The following PADI2 variants were observed in gnomAD, a reference collection of about 807,000 sequenced individuals.
The protein encoded by PADI2 is protein-arginine deiminase type-2.
A neutral mutation model predicts 81.1 loss-of-function variants in PADI2; 70 were observed. That is an observed-to-expected ratio of 0.86 (90% CI 0.71 to 1.05). PADI2 has a LOEUF of 1.05. Ranked by LOEUF, PADI2 falls within the 50% of genes least tolerant of loss-of-function variation. The probability of loss-of-function intolerance (pLI) is 0.00; values close to 1 mark genes in which losing one functional copy is unlikely to be tolerated. For missense variants in PADI2, 853 were observed against 889.9 expected (o/e 0.96, Z 0.53); for synonymous variants, 338 against 358.0 (o/e 0.94, Z 0.63).
At chr1:17,074,153 A>G (rs2078284506) in intron 13 of PADI2, among the ~76,000 whole-genome samples, 1 of 152,076 alleles carries the variant, frequency 6.6e-6, no homozygotes, top group South Asian at 2.1e-4. Context: ...GCACTTTGGG[A>G]GGCTGAGGCG....
At chr1:17,104,426 C>CTTTTTTTTTTTTT (rs1233283967) in intron 2 of PADI2, among the ~76,000 whole-genome samples, 8 of 98,290 alleles carry the variant, frequency 8.1e-5, no homozygotes, top group African/African-American at 3.0e-4. Flanking sequence ...TTCTTTTTGC[C>CTTTTTTTTTTTTT]TTTTCTTTTT....
intron 6 of PADI2, among the ~76,000 whole-genome samples, chr1:17,087,277 G>C (rs1930506569): frequency 6.6e-6 from 1 of 152,174 alleles, no homozygotes; most frequent in Admixed American, 6.5e-5. Flanking sequence ...GGAAAGATAG[G>C]TTCCTCCAGG....
chr1:17,093,525 A>T (rs777534151), intron 5 of PADI2, 42 bp downstream of exon 5: 26 of 1,294,864 alleles, frequency 2.0e-5, no homozygotes, highest in Non-Finnish European at 2.5e-5. Context: ...GAATCTTTTC[A>T]CTCCTCTCAT....
chr1:17,068,699 T>C lies in PADI2; in HGVS notation c.*345A>G. ...CTGGCAATCCCAGAATCTCCTTCCC[T>C]TCTCCCCTCATTCAGTGTCAGATTA... On this transcript the variant is annotated 3_prime_UTR_variant, in exon 16 of 16. Coordinates refer to ENST00000375486, the MANE Select transcript of PADI2 (RefSeq NM_007365.3). The C allele has an allele frequency of 3.8e-6, 1 of 264,556 alleles. No individual in the cohort carries two copies. The highest frequency in any genetic ancestry group is 7.3e-6 in the Non-Finnish European group (1 of 136,144). 16.4% of individuals were successfully genotyped at this position (264,556 alleles called of 1,614,324 possible). A position where few individuals can be genotyped will look rare whatever the true frequency, so the allele number is the denominator to read the frequency against.
intron 3 of PADI2, among the ~76,000 whole-genome samples, chr1:17,099,754 A>G (rs982144731): frequency 1.6e-4 from 24 of 152,190 alleles, no homozygotes; most frequent in Admixed American, 1.5e-3. Flanking sequence ...CTAAGCACCC[A>G]CTCTGTGCCG....
chr1:17,085,689 A>G (rs1489665543), intron 7 of PADI2, among the ~76,000 whole-genome samples: 1 of 152,196 alleles, frequency 6.6e-6, no homozygotes, highest in Non-Finnish European at 1.5e-5. Context: ...GTGGTGGTTA[A>G]ACCAGGAGTT....
chr1:17,097,358 G>T (rs565642803), intron 3 of PADI2, among the ~76,000 whole-genome samples: 8 of 152,310 alleles, frequency 5.3e-5, no homozygotes, highest in African/African-American at 1.9e-4. Context: ...CCTATAGCCT[G>T]CATACCCTAG....
chr1:17,071,929 C>T (rs1020334562), intron 13 of PADI2, among the ~76,000 whole-genome samples: 3 of 152,212 alleles, frequency 2.0e-5, no homozygotes, highest in Non-Finnish European at 4.4e-5. Context: ...GAGTGGCCTG[C>T]GTTTTCCTCC....
chr1:17,090,002 T>C (rs1004759852), intron 6 of PADI2, among the ~76,000 whole-genome samples: 2 of 152,198 alleles, frequency 1.3e-5, no homozygotes, highest in Non-Finnish European at 2.9e-5. Context: ...AGTGCTAAAA[T>C]AAGGAAAGTC....
intron 15 of PADI2, among the ~76,000 whole-genome samples, chr1:17,069,623 G>A (rs2078250281): frequency 1.3e-5 from 2 of 151,510 alleles, no homozygotes; most frequent in Non-Finnish European, 2.9e-5. Context: ...TTCTGTGTGT[G>A]CATGTGTGTA....
rs531777787 is a variant in PADI2 at position 17,106,863 on chromosome 1, G to A, written c.93-1802C>T. Among the ~76,000 whole-genome samples the A allele has an allele frequency of 1.6e-4, 24 of 152,264 alleles. No homozygotes were observed. In the South Asian group the frequency reaches 5.0e-3, roughly 32 times the overall value. On this transcript the variant is annotated intron_variant, in intron 1 of 15. Transcript: ENST00000375486. The stretch of plus-strand genomic sequence containing the variant: ...TCCATGGACTGAGGAAAGATCTTGT[G>A]AGGACGCAGTGACAAGGTGGCCATT...
chr1:17,092,276 G>T, intron 6 of PADI2, 132 bp downstream of exon 6: 1 of 637,044 alleles, frequency 1.6e-6, no homozygotes, highest in Non-Finnish European at 2.6e-6. Context: ...CAACAGCATT[G>T]CCATGTTACA....
intron 3 of PADI2, among the ~76,000 whole-genome samples, chr1:17,098,307 G>A (rs1931018748): frequency 6.6e-6 from 1 of 152,136 alleles, no homozygotes. Flanking sequence ...TGCGGCCTTC[G>A]TCTCTAGGCC....
chr1:17,080,440 C>T (rs1386296046), intron 10 of PADI2, among the ~76,000 whole-genome samples: 6 of 152,304 alleles, frequency 3.9e-5, no homozygotes, highest in East Asian at 1.9e-4. Flanking sequence ...GCACCTTGAG[C>T]GCTAGAGTAA....
chr1:17,105,685 C>T (rs886926636), intron 1 of PADI2, among the ~76,000 whole-genome samples: 3 of 152,108 alleles, frequency 2.0e-5, no homozygotes, highest in Non-Finnish European at 2.9e-5. Context: ...TGAGCCACCA[C>T]GCCCGGCTCT....
intron 2 of PADI2, among the ~76,000 whole-genome samples, chr1:17,103,686 C>T (rs911607380): frequency 3.3e-5 from 5 of 152,042 alleles, no homozygotes; most frequent in Non-Finnish European, 7.3e-5. Context: ...ACATGGCTAC[C>T]GAGCACTGGA....
At chr1:17,111,356 A>G (rs554975938) in intron 1 of PADI2, among the ~76,000 whole-genome samples, 2 of 151,974 alleles carry the variant, frequency 1.3e-5, no homozygotes, top group African/African-American at 2.4e-5. Flanking sequence ...CAGCCTCCCA[A>G]AGTGCTGGGA....
chr1:17,101,907 T>C (rs921822926), intron 3 of PADI2, among the ~76,000 whole-genome samples: 1 of 152,210 alleles, frequency 6.6e-6, no homozygotes, highest in Admixed American at 6.5e-5. Context: ...CTTGGAATAG[T>C]TGGAAGAAGA....
intron 13 of PADI2, 60 bp downstream of exon 13, chr1:17,074,796 C>G: frequency 9.4e-7 from 1 of 1,062,486 alleles, no homozygotes; most frequent in Non-Finnish European, 1.4e-6. Flanking sequence ...CCCACCCTCC[C>G]GAGGGTCTCT....
Sources: gnomAD v4.1 joint callset for allele counts (sites outside exome capture counted in the v4.1 genomes callset) on GRCh38, gnomAD v4.1.1 for gene constraint, MANE v1.5 for transcripts, NCBI Gene and HGNC (gene_info 2026-07-23, HGNC 2026-07-21) for gene names.